The following L3MBTL4 variants were observed in gnomAD, a reference collection of about 807,000 sequenced individuals.
L3MBTL4 encodes the protein L3MBTL histone methyl-lysine binding protein 4, also known as lethal(3)malignant brain tumor-like protein 4.
Under a neutral mutation model 84.5 loss-of-function variants are expected in L3MBTL4, and 70 were observed. The observed-to-expected ratio is 0.83, with a 90% CI of 0.68 to 1.01. L3MBTL4 has a LOEUF of 1.01. Ranked by LOEUF, L3MBTL4 falls within the 50% of genes least tolerant of loss-of-function variation. The pLI, the probability that L3MBTL4 is intolerant of heterozygous loss-of-function variation, is 0.00. For synonymous variants in L3MBTL4, 274 were observed against 259.8 expected (o/e 1.05, Z -0.52); for missense variants, 715 against 754.8 (o/e 0.95, Z 0.62).
At chr18:6,013,451 T>G (rs762161080) in intron 16 of L3MBTL4, among the ~76,000 whole-genome samples, 1 of 152,224 alleles carries the variant, frequency 6.6e-6, no homozygotes, top group Non-Finnish European at 1.5e-5. Flanking sequence ...TCTATGATGA[T>G]GAGGAGCTGT....
chr18:5,968,783 A>C (rs1469664414), intron 17 of L3MBTL4, among the ~76,000 whole-genome samples: 1 of 152,224 alleles, frequency 6.6e-6, no homozygotes, highest in African/African-American at 2.4e-5. Context: ...GTTTATAATG[A>C]AATCTGATCC....
intron 4 of L3MBTL4, among the ~76,000 whole-genome samples, chr18:6,293,144 T>A (rs1212383467): frequency 5.3e-5 from 8 of 152,150 alleles, no homozygotes; most frequent in Admixed American, 5.2e-4. Flanking sequence ...TGTAGTTTAC[T>A]CAACTTCAAC....
intron 14 of L3MBTL4, among the ~76,000 whole-genome samples, chr18:6,099,727 T>C (rs985206989): frequency 2.7e-5 from 4 of 150,490 alleles, no homozygotes; most frequent in Non-Finnish European, 5.9e-5. Flanking sequence ...GTCCATAAAA[T>C]AGCTGACACT....
At chr18:6,071,761 AAAAGAAAG>A (rs201841975) in intron 16 of L3MBTL4, among the ~76,000 whole-genome samples, 2,352 of 92,176 alleles carry the variant, frequency 0.026, 33 homozygotes, top group East Asian at 0.042. Context: ...AAGAAAGAAA[AAAAGAAAG>A]AAAGAAAGAA....
At chr18:6,090,240 T>C (rs1001373951) in intron 15 of L3MBTL4, among the ~76,000 whole-genome samples, 1 of 152,162 alleles carries the variant, frequency 6.6e-6, no homozygotes, top group Non-Finnish European at 1.5e-5. Flanking sequence ...CTTACTGTTA[T>C]AAAGATAACT....
At chr18:6,038,815 T>C (rs1002129779) in intron 16 of L3MBTL4, among the ~76,000 whole-genome samples, 5 of 152,088 alleles carry the variant, frequency 3.3e-5, no homozygotes, top group African/African-American at 1.2e-4. Flanking sequence ...ATTAATTAGG[T>C]ATTGTGGATT....
chr18:6,074,859 T>A (rs573564803), intron 16 of L3MBTL4, among the ~76,000 whole-genome samples: 190 of 152,266 alleles, frequency 1.2e-3, no homozygotes, highest in Non-Finnish European at 1.9e-3. Flanking sequence ...TTGGAAATTA[T>A]TTTAATATAA....
intron 15 of L3MBTL4, among the ~76,000 whole-genome samples, chr18:6,082,204 C>T (rs150184374): frequency 4.7e-4 from 71 of 152,180 alleles, no homozygotes; most frequent in Non-Finnish European, 5.9e-4. Flanking sequence ...AGTGTAAAAA[C>T]GCTTATGCAT....
intron 17 of L3MBTL4, among the ~76,000 whole-genome samples, chr18:5,965,598 G>A (rs904998291): frequency 1.5e-4 from 23 of 152,268 alleles, no homozygotes; most frequent in African/African-American, 4.3e-4. Context: ...TCTCTAAGCA[G>A]CCCCACACTC....
chr18:6,019,231 T>C (rs2055139132), intron 16 of L3MBTL4, among the ~76,000 whole-genome samples: 1 of 152,234 alleles, frequency 6.6e-6, no homozygotes, highest in Non-Finnish European at 1.5e-5. Flanking sequence ...GTAGAATCAA[T>C]ATCTGGATGA....
chr18:6,396,519 G>T (rs563077998), intron 1 of L3MBTL4: 1 of 152,284 alleles, frequency 6.6e-6, no homozygotes, highest in Non-Finnish European at 1.5e-5. Context: ...GTTCAAGAGG[G>T]TATGGATTTT....
intron 4 of L3MBTL4, among the ~76,000 whole-genome samples, chr18:6,282,324 T>C (rs2049356948): frequency 6.6e-6 from 1 of 152,124 alleles, no homozygotes; most frequent in South Asian, 2.1e-4. Context: ...TACAAGGCCA[T>C]GAGAGCACAG....
Position 6,189,251 on chromosome 18 carries a change from C to T in L3MBTL4, c.982-17309G>A, listed in dbSNP as rs539225832. Among the ~76,000 whole-genome samples the T allele has an allele frequency of 9.3e-4, 141 of 152,196 alleles. 1 individual carries two copies. The highest frequency in any genetic ancestry group is 3.4e-3 in the Middle Eastern group (1 of 294). The stretch of plus-strand genomic sequence containing the variant: ...GGATACTTGTCATTGGATTTATGAC[C>T]CACTCATGAAACCCAGGATGAGCTC... On this transcript the variant is annotated intron_variant, in intron 12 of 18. Transcript: ENST00000317931.
chr18:6,085,818 A>G (rs1170112123), intron 15 of L3MBTL4, among the ~76,000 whole-genome samples: 1 of 152,202 alleles, frequency 6.6e-6, no homozygotes, highest in Non-Finnish European at 1.5e-5. Flanking sequence ...ATCTACATAC[A>G]CATGTGCATA....
intron 16 of L3MBTL4, among the ~76,000 whole-genome samples, chr18:6,052,168 C>A (rs879326407): frequency 6.6e-6 from 1 of 152,128 alleles, no homozygotes; most frequent in Non-Finnish European, 1.5e-5. Flanking sequence ...TAAAAATTTC[C>A]TTTAAGTCGA....
At chr18:6,009,300 C>T (rs1354720511) in intron 16 of L3MBTL4, among the ~76,000 whole-genome samples, 1 of 152,094 alleles carries the variant, frequency 6.6e-6, no homozygotes, top group Non-Finnish European at 1.5e-5. Context: ...GAGCAATGAC[C>T]AGTCAGGATG....
chr18:5,974,818 G>T (rs1211362377), intron 16 of L3MBTL4, among the ~76,000 whole-genome samples: 3 of 152,048 alleles, frequency 2.0e-5, no homozygotes. Context: ...GAAAAAATTA[G>T]CTGGGCATGG....
intron 17 of L3MBTL4, among the ~76,000 whole-genome samples, chr18:5,965,923 A>G (rs2052332015): frequency 6.6e-6 from 1 of 152,158 alleles, no homozygotes; most frequent in South Asian, 2.1e-4. Flanking sequence ...GTGCAGGAGC[A>G]TTGTATGCGA....
At chr18:6,103,886 A>C (rs2058912866) in intron 14 of L3MBTL4, among the ~76,000 whole-genome samples, 1 of 152,252 alleles carries the variant, frequency 6.6e-6, no homozygotes, top group East Asian at 1.9e-4. Flanking sequence ...AAGAAAAGCC[A>C]GACTAGCCCA....
Sources: allele counts gnomAD v4.1 joint callset (sites outside exome capture counted in the v4.1 genomes callset), GRCh38; gene constraint gnomAD v4.1.1; transcripts MANE v1.5; gene names NCBI Gene and HGNC (gene_info 2026-07-23, HGNC 2026-07-21).